Variants in POLD3 observed in about 807,000 individuals in gnomAD.
POLD3 encodes the protein DNA polymerase delta subunit 3.
A neutral mutation model predicts 58.2 loss-of-function variants in POLD3; 19 were observed. That is an observed-to-expected ratio of 0.33 (90% confidence interval 0.23 to 0.48). The LOEUF is 0.48. POLD3 is among the 20% of genes least tolerant of loss of function. The pLI, the probability that POLD3 is intolerant of heterozygous loss-of-function variation, is 0.99. For synonymous variants in POLD3, 172 were observed against 193.5 expected, an observed-to-expected ratio of 0.89 and a Z score of 0.92; for missense variants, 504 against 545.5, an observed-to-expected ratio of 0.92 and a Z score of 0.76.
chr11:74,599,465 A>G (rs1396997054), intron 2 of POLD3, among the ~76,000 whole-genome samples: 1 of 151,518 alleles, frequency 6.6e-6, no homozygotes, highest in African/African-American at 2.4e-5. Flanking sequence ...TCCAGGTTCA[A>G]ACGATTCTCC....
chr11:74,656,903 A>G (rs924799149), intron 4 of POLD3, among the ~76,000 whole-genome samples: 12 of 83,116 alleles, frequency 1.4e-4, no homozygotes, highest in African/African-American at 4.6e-4. Flanking sequence ...AATGTAGTTC[A>G]GGTTAAGTCT....
chr11:74,640,471 T>G, intron 11 of POLD3, 93 bp from the exon 12 acceptor site: 2 of 1,409,544 alleles, frequency 1.4e-6, no homozygotes, highest in Non-Finnish European at 1.9e-6. Context: ...TTGATCAGAG[T>G]CTGAAATGAT....
At chr11:74,638,273 A>G (rs1388850380) in intron 11 of POLD3, among the ~76,000 whole-genome samples, 1 of 152,048 alleles carries the variant, frequency 6.6e-6, no homozygotes, top group Non-Finnish European at 1.5e-5. Context: ...TATTCCTTTT[A>G]GTTCTTACAG....
At chr11:74,657,094 G>A (rs2033146256) in intron 4 of POLD3, among the ~76,000 whole-genome samples, 1 of 151,810 alleles carries the variant, frequency 6.6e-6, no homozygotes. Flanking sequence ...TATAAGTATA[G>A]CTACTCCTCT....
chr11:74,664,172 C>T (rs2033238486), intron 4 of POLD3, among the ~76,000 whole-genome samples: 1 of 152,188 alleles, frequency 6.6e-6, no homozygotes, highest in South Asian at 2.1e-4. Flanking sequence ...GCAAAAGTCT[C>T]ATACGTTGCT....
At chr11:74,643,674 A>G (rs1489926094), downstream of POLD3, among the ~76,000 whole-genome samples, 2 of 152,136 alleles carry the variant, frequency 1.3e-5, no homozygotes, top group Non-Finnish European at 2.9e-5. Flanking sequence ...TAGGGAGGAA[A>G]ATGTATTCAG....
chr11:74,646,002 A>G (rs1003334586), downstream of POLD3, among the ~76,000 whole-genome samples: 21 of 151,838 alleles, frequency 1.4e-4, no homozygotes, highest in Middle Eastern at 3.4e-3. Flanking sequence ...GCAGAGGCAC[A>G]ATCTCGGCTC....
intron 2 of POLD3, 71 bp from the exon 3 acceptor site, chr11:74,604,621 C>A: frequency 1.2e-6 from 1 of 815,560 alleles, no homozygotes; most frequent in Non-Finnish European, 2.1e-6. Context: ...TCTTTTAAGT[C>A]ATTAATTAAG....
Position 74,610,074 on chromosome 11 carries a change from C to T in POLD3, c.220-1425C>T, listed in dbSNP as rs1214454845. On this transcript the variant is annotated intron_variant, in intron 3 of 11. Transcript: ENST00000263681. ...CATGTGTACTTTTGTTGGATGTTGC[C>T]AAATATCACTCTGCTTCTTGTTCCC... is the stretch of plus-strand genomic sequence containing the variant. 2.0e-5 allele frequency among the ~76,000 whole-genome samples: 3 copies of T among 152,160 alleles called. No homozygotes were observed. The East Asian group carries it at 5.8e-4, about 29-fold the overall frequency.
intron 4 of POLD3, among the ~76,000 whole-genome samples, chr11:74,612,452 T>C (rs894552147): frequency 3.3e-5 from 5 of 152,192 alleles, no homozygotes; most frequent in Non-Finnish European, 7.3e-5. Flanking sequence ...CTTATCTAGT[T>C]AGTAGTGTTT....
intron 5 of POLD3, among the ~76,000 whole-genome samples, chr11:74,613,657 T>C (rs1350762800): frequency 6.6e-6 from 1 of 152,178 alleles, no homozygotes; most frequent in East Asian, 1.9e-4. Context: ...TCAGATCAGT[T>C]CCCCAGACAT....
chr11:74,609,616 C>T (rs1004085056), intron 3 of POLD3, among the ~76,000 whole-genome samples: 27 of 151,566 alleles, frequency 1.8e-4, no homozygotes, highest in African/African-American at 6.0e-4. Flanking sequence ...CTCCTGACCT[C>T]GTGATCCATC....
rs2031956412 is a variant in POLD3 at position 74,612,744 on chromosome 11, T to G, written c.260-134T>G. 6 of 645,504 alleles carry G rather than the reference T, an allele frequency of 9.3e-6. No individual in the cohort carries two copies. The East Asian group carries it at 1.7e-4, about 18-fold the overall frequency. 40.0% of individuals were successfully genotyped at this position (645,504 alleles called of 1,614,324 possible). On this transcript the variant is annotated intron_variant, in intron 4 of 11. Transcript: ENST00000263681. ...AAGAGTTGATGTTTCACTGTATATG[T>G]GGCTGTGTGGCCTTTAGAGTTTTTT...
chr11:74,651,918 A>G (rs1473760849), intron 4 of POLD3, among the ~76,000 whole-genome samples: 1 of 152,260 alleles, frequency 6.6e-6, no homozygotes, highest in Non-Finnish European at 1.5e-5. Flanking sequence ...CAGAGGGGAA[A>G]GCTGGACTCA....
chr11:74,659,680 C>T (rs1310555814), intron 4 of POLD3, among the ~76,000 whole-genome samples: 1 of 139,072 alleles, frequency 7.2e-6, no homozygotes, highest in Non-Finnish European at 1.5e-5. Flanking sequence ...GGCAAAATGC[C>T]ACCAGTCTCT....
At chr11:74,667,854 C>T (rs1199553610) in intron 4 of POLD3, among the ~76,000 whole-genome samples, 2 of 152,170 alleles carry the variant, frequency 1.3e-5, no homozygotes, top group Admixed American at 6.5e-5. Flanking sequence ...CTATAAAGAA[C>T]ATTTAAAACT....
At chr11:74,624,337 G>T (rs1425113205) in intron 7 of POLD3, among the ~76,000 whole-genome samples, 1 of 152,096 alleles carries the variant, frequency 6.6e-6, no homozygotes, top group Non-Finnish European at 1.5e-5. Context: ...TCCACCATTC[G>T]CATTTTCCAT....
At chr11:74,631,503 G>A (rs1292654758) in intron 9 of POLD3, among the ~76,000 whole-genome samples, 5 of 122,280 alleles carry the variant, frequency 4.1e-5, no homozygotes, top group Admixed American at 9.9e-5. Context: ...TTTTTGAGAC[G>A]GAGTCTTGCT....
At chr11:74,665,496 G>A (rs1301990516) in intron 4 of POLD3, among the ~76,000 whole-genome samples, 1 of 144,694 alleles carries the variant, frequency 6.9e-6, no homozygotes, top group Non-Finnish European at 1.5e-5. Flanking sequence ...CACCTCCCAG[G>A]TTCAAGCAAG....
Sources: gnomAD v4.1 joint callset for allele counts (sites outside exome capture counted in the v4.1 genomes callset) on GRCh38, gnomAD v4.1.1 for gene constraint, MANE v1.5 for transcripts, NCBI Gene and HGNC (gene_info 2026-07-23, HGNC 2026-07-21) for gene names.